PKNOX2: variants seen among roughly 807,000 people sequenced by gnomAD.
PKNOX2 encodes PBX/knotted 1 homeobox 2.
PKNOX2 carries 14 observed loss-of-function variants against 53.1 expected under a neutral mutation model. The ratio of observed to expected loss-of-function variants is 0.26; its 90% CI spans 0.17 to 0.41. The LOEUF is 0.41. Ranked by LOEUF, PKNOX2 falls within the 10% of genes least tolerant of loss-of-function variation. The pLI, the probability that PKNOX2 is intolerant of heterozygous loss-of-function variation, is 1.00. For missense variants in PKNOX2, 496 were observed against 602.8 expected (o/e 0.82, Z 1.85); for synonymous variants, 257 against 242.8 (o/e 1.06, Z -0.54).
At position 125,210,396 on chromosome 11, in the gene PKNOX2, C is replaced by T. The variant is rs554078386; in HGVS notation, c.-200-24649C>T. On this transcript the variant is annotated intron_variant, in intron 1 of 12. Coordinates refer to ENST00000298282, the MANE Select transcript of PKNOX2 (RefSeq NM_001382323.2). ...TTCTTCTGAGTCCAAAGCCTGCATTCAGGGCACAGGAAGGCAATGATGCCT... is the reference window on the plus strand; with the variant it reads ...TTCTTCTGAGTCCAAAGCCTGCATTTAGGGCACAGGAAGGCAATGATGCCT... Among the ~76,000 whole-genome samples, 8 of 152,276 alleles carry T rather than the reference C, an allele frequency of 5.3e-5. No homozygotes were observed. The South Asian group carries it at 1.7e-3, about 32-fold the overall frequency.
chr11:125,229,802 C>T (rs949044990), intron 1 of PKNOX2, among the ~76,000 whole-genome samples: 2 of 152,114 alleles, frequency 1.3e-5, no homozygotes, highest in African/African-American at 2.4e-5. Flanking sequence ...TGAGCAGGCC[C>T]ACCCTCATGC....
chr11:125,213,962 T>A (rs1275495829), intron 1 of PKNOX2, among the ~76,000 whole-genome samples: 1 of 152,078 alleles, frequency 6.6e-6, no homozygotes, highest in Non-Finnish European at 1.5e-5. Flanking sequence ...TTCCAGCACC[T>A]ACTGCTTGCC....
chr11:125,409,560 A>G (rs1269346291), intron 7 of PKNOX2, among the ~76,000 whole-genome samples: 1 of 152,112 alleles, frequency 6.6e-6, no homozygotes, highest in Non-Finnish European at 1.5e-5. Context: ...GTATTTTAGT[A>G]TCCTGAGCTA....
intron 3 of PKNOX2, among the ~76,000 whole-genome samples, chr11:125,349,119 C>A (rs1489285916): frequency 6.6e-6 from 1 of 152,224 alleles, no homozygotes; most frequent in Non-Finnish European, 1.5e-5. Flanking sequence ...CTGAAACATT[C>A]CTATTTCCTT....
At chr11:125,339,864 C>T (rs1409720333) in intron 3 of PKNOX2, among the ~76,000 whole-genome samples, 1 of 152,192 alleles carries the variant, frequency 6.6e-6, no homozygotes, top group African/African-American at 2.4e-5. Flanking sequence ...CATACATTTC[C>T]ATCATTTTGT....
intron 7 of PKNOX2, among the ~76,000 whole-genome samples, chr11:125,407,482 T>G (rs1012852248): frequency 1.3e-5 from 2 of 152,234 alleles, no homozygotes; most frequent in Admixed American, 6.5e-5. Context: ...CTTTTATGTT[T>G]GAAATTCTCA....
intron 2 of PKNOX2, among the ~76,000 whole-genome samples, chr11:125,266,487 G>T (rs528674196): frequency 2.0e-5 from 3 of 152,088 alleles, no homozygotes; most frequent in Non-Finnish European, 4.4e-5. Context: ...TTTCTGAAGG[G>T]GTGGGATTAT....
intron 2 of PKNOX2, among the ~76,000 whole-genome samples, chr11:125,298,104 G>A (rs1392041612): frequency 3.9e-5 from 6 of 152,284 alleles, no homozygotes; most frequent in South Asian, 4.1e-4. Flanking sequence ...GCAAGCAGTC[G>A]GTTGAGTAGG....
chr11:125,290,390 T>A (rs1432912789), intron 2 of PKNOX2, among the ~76,000 whole-genome samples: 1 of 152,160 alleles, frequency 6.6e-6, no homozygotes, highest in African/African-American at 2.4e-5. Flanking sequence ...CTCCCTCTAC[T>A]CTTCTGTGGG....
chr11:125,256,975 A>G (rs1275268532), intron 2 of PKNOX2, among the ~76,000 whole-genome samples: 1 of 150,272 alleles, frequency 6.7e-6, no homozygotes, highest in Non-Finnish European at 1.5e-5. Flanking sequence ...CTCTCAACCA[A>G]TCACTATTCC....
intron 2 of PKNOX2, among the ~76,000 whole-genome samples, chr11:125,329,397 A>C (rs1175221121): frequency 6.6e-6 from 1 of 152,250 alleles, no homozygotes; most frequent in Admixed American, 6.5e-5. Flanking sequence ...AAAGGTAACA[A>C]AATCATCATA....
At chr11:125,315,817 C>A (rs1949149187) in intron 2 of PKNOX2, among the ~76,000 whole-genome samples, 1 of 152,112 alleles carries the variant, frequency 6.6e-6, no homozygotes, top group African/African-American at 2.4e-5. Flanking sequence ...CTCCCCAGTG[C>A]CACCCCCTAC....
At chr11:125,344,193 T>C (rs1356760993) in intron 3 of PKNOX2, among the ~76,000 whole-genome samples, 2 of 152,288 alleles carry the variant, frequency 1.3e-5, no homozygotes, top group East Asian at 1.9e-4. Flanking sequence ...TGCTCATCTC[T>C]AGGCTGGGGT....
chr11:125,305,310 C>A (rs753318056), intron 2 of PKNOX2, among the ~76,000 whole-genome samples: 1 of 152,204 alleles, frequency 6.6e-6, no homozygotes, highest in Admixed American at 6.5e-5. Flanking sequence ...ATAGAACTGA[C>A]ACCTGGAGGC....
chr11:125,337,911 C>T (rs1308088357), intron 3 of PKNOX2, among the ~76,000 whole-genome samples: 1 of 152,194 alleles, frequency 6.6e-6, no homozygotes, highest in Non-Finnish European at 1.5e-5. Context: ...AGTCAGACCT[C>T]ATGATGACTC....
At chr11:125,364,487 G>A (rs1179094963) in intron 4 of PKNOX2, among the ~76,000 whole-genome samples, 1 of 152,050 alleles carries the variant, frequency 6.6e-6, no homozygotes, top group Non-Finnish European at 1.5e-5. Flanking sequence ...TGCCTAGGAG[G>A]GGGACTTCAT....
intron 1 of PKNOX2, among the ~76,000 whole-genome samples, chr11:125,212,375 G>A (rs1487645324): frequency 6.6e-6 from 1 of 151,900 alleles, no homozygotes; most frequent in African/African-American, 2.4e-5. Context: ...TCCCACCCAG[G>A]TGTGGTTATA....
intron 2 of PKNOX2, among the ~76,000 whole-genome samples, chr11:125,257,355 A>C (rs755289462): frequency 6.6e-6 from 1 of 152,182 alleles, no homozygotes; most frequent in Non-Finnish European, 1.5e-5. Flanking sequence ...TTGATAGAAC[A>C]TCTTCATGGC....
chr11:125,404,426 C>A (rs565599005), intron 7 of PKNOX2, among the ~76,000 whole-genome samples: 6 of 152,338 alleles, frequency 3.9e-5, no homozygotes, highest in Middle Eastern at 6.8e-3. Context: ...AGGAGTGGAA[C>A]AAGAACAGGA....
Sources: allele counts gnomAD v4.1 joint callset (sites outside exome capture counted in the v4.1 genomes callset), GRCh38; gene constraint gnomAD v4.1.1; transcripts MANE v1.5; gene names NCBI Gene and HGNC (gene_info 2026-07-23, HGNC 2026-07-21).